Variants in BAZ1A observed in about 807,000 individuals in gnomAD.
The protein encoded by BAZ1A is bromodomain adjacent to zinc finger domain 1A.
In BAZ1A, 50 loss-of-function variants were observed where a neutral mutation model predicts 185.2. That is an observed-to-expected ratio of 0.27 (90% CI 0.22 to 0.34). BAZ1A has a LOEUF of 0.34. BAZ1A is among the 10% of genes least tolerant of loss of function. The pLI, the probability that BAZ1A is intolerant of heterozygous loss-of-function variation, is 1.00. For synonymous variants in BAZ1A, 571 were observed against 615.6 expected, an observed-to-expected ratio of 0.93 and a Z score of 1.07; for missense variants, 1,356 against 1,839.9, an observed-to-expected ratio of 0.74 and a Z score of 4.81.
At chr14:34,759,329 C>T (rs762407796) in intron 24 of BAZ1A, among the ~76,000 whole-genome samples, 20 of 151,370 alleles carry the variant, frequency 1.3e-4, no homozygotes, top group Non-Finnish European at 2.1e-4. Flanking sequence ...TATAGGCACC[C>T]GCCACGGCGC....
intron 11 of BAZ1A, among the ~76,000 whole-genome samples, chr14:34,793,577 G>C (rs896847798): frequency 6.6e-6 from 1 of 152,216 alleles, no homozygotes; most frequent in Non-Finnish European, 1.5e-5. Flanking sequence ...GCGAGGCCAA[G>C]GTGGGTGGAT....
chr14:34,827,461 C>T (rs1171121879), intron 3 of BAZ1A, among the ~76,000 whole-genome samples: 1 of 152,086 alleles, frequency 6.6e-6, no homozygotes, highest in African/African-American at 2.4e-5. Context: ...CATTGCCGGG[C>T]GCGGTGGCTC....
chr14:34,756,464 C>CTTTTTTTTTTTTTTTTT (rs1343693112), intron 25 of BAZ1A, among the ~76,000 whole-genome samples: 2 of 107,168 alleles, frequency 1.9e-5, no homozygotes, highest in Non-Finnish European at 1.8e-5. Context: ...GCCAGAATAC[C>CTTTTTTTTTTTTTTTTT]TATTTTTTTT....
intron 3 of BAZ1A, among the ~76,000 whole-genome samples, chr14:34,842,927 C>T (rs916123656): frequency 2.6e-5 from 4 of 151,796 alleles, no homozygotes; most frequent in Non-Finnish European, 5.9e-5. Context: ...AGCCCTAGGG[C>T]TCATTCACAT....
intron 11 of BAZ1A, among the ~76,000 whole-genome samples, chr14:34,793,823 A>G (rs1287747644): frequency 6.6e-6 from 1 of 152,126 alleles, no homozygotes; most frequent in African/African-American, 2.4e-5. Context: ...GGTGCCTGTA[A>G]TTGCAGCTAC....
chr14:34,824,408 CAAAAAAAA>C lies in BAZ1A; in HGVS notation c.536+1597_536+1604del. Among the ~76,000 whole-genome samples, 230 of 65,782 alleles carry C rather than the reference CAAAAAAAA, an allele frequency of 3.5e-3. 1 individual carries two copies. The highest frequency in any genetic ancestry group is 0.015 in the African/African-American group (225 of 15,272). The allele number at this position is 65,782 out of a possible 152,430, so 43.2% of individuals were successfully genotyped here. ...AAAAAAAAAAAAAAAAGCAGCAACT[CAAAAAAAA>C]AAAAAAAAAAAGAAGAGATGTATCA... On this transcript the variant is annotated intron_variant, in intron 4 of 26. Transcript: ENST00000360310.
chr14:34,797,216 C>T (rs1881243624), intron 9 of BAZ1A, among the ~76,000 whole-genome samples: 1 of 152,058 alleles, frequency 6.6e-6, no homozygotes, highest in African/African-American at 2.4e-5. Flanking sequence ...GGTGAGTGAT[C>T]TGTTTTTTTA....
intron 4 of BAZ1A, among the ~76,000 whole-genome samples, chr14:34,812,551 C>T (rs1160058029): frequency 1.3e-5 from 2 of 152,060 alleles, no homozygotes; most frequent in African/African-American, 4.8e-5. Flanking sequence ...AGAGTGTAAA[C>T]AGGAATACCA....
At position 34,803,086 on chromosome 14, in the gene BAZ1A, A is replaced by C. The variant is rs1459269262; in HGVS notation, c.727-98T>G. The C allele has an allele frequency of 2.3e-6, 3 of 1,297,440 alleles. No homozygotes were observed. The African/African-American group carries it at 4.4e-5, about 19-fold the overall frequency. 80.4% of individuals were successfully genotyped at this position (1,297,440 alleles called of 1,614,324 possible). ...CATATGGCCACTATTAATGCTGTTA[A>C]AAGATCAGGATAGGCTGGGCACAGT... On this transcript the variant is annotated intron_variant, in intron 6 of 26. Coordinates refer to ENST00000360310, the MANE Select transcript of BAZ1A (RefSeq NM_013448.3).
chr14:34,856,136 T>G (rs761349254), intron 3 of BAZ1A, among the ~76,000 whole-genome samples: 5 of 152,182 alleles, frequency 3.3e-5, no homozygotes, highest in African/African-American at 4.8e-5. Context: ...TGGCAAAGGT[T>G]AAAAGACTTA....
At chr14:34,767,706 C>T (rs902028761) in intron 21 of BAZ1A, among the ~76,000 whole-genome samples, 2 of 151,962 alleles carry the variant, frequency 1.3e-5, no homozygotes, top group African/African-American at 2.4e-5. Context: ...TGAGGAAGCA[C>T]GAATAGCTAG....
intron 3 of BAZ1A, among the ~76,000 whole-genome samples, chr14:34,844,775 GCGCACACACACACACACACACA>G (rs2042479400): frequency 7.4e-6 from 1 of 135,486 alleles, no homozygotes; most frequent in Admixed American, 7.4e-5. Flanking sequence ...ACACACACAC[GCGCACACACACACACACACACA>G]CACACACACA....
chr14:34,863,152 C>CATTTTTTTTT (rs1566603150), intron 2 of BAZ1A, among the ~76,000 whole-genome samples: 4 of 44,690 alleles, frequency 9.0e-5, no homozygotes, highest in Non-Finnish European at 1.4e-4. Flanking sequence ...CCACGCTCGG[C>CATTTTTTTTT]TTTTTTTTTT....
chr14:34,833,588 G>A (rs2042284725), intron 3 of BAZ1A, among the ~76,000 whole-genome samples: 1 of 152,090 alleles, frequency 6.6e-6, no homozygotes, highest in African/African-American at 2.4e-5. Context: ...AGTGAATTGA[G>A]CCACAAAAGG....
chr14:34,806,181 T>C (rs1014268857), intron 6 of BAZ1A, among the ~76,000 whole-genome samples: 2 of 152,042 alleles, frequency 1.3e-5, no homozygotes, highest in African/African-American at 2.4e-5. Context: ...AAACTCATTC[T>C]TTTTTTTAAA....
At chr14:34,776,547 C>G (rs938764846) in intron 17 of BAZ1A, 32 bp from the exon 18 acceptor site, 1 of 1,510,898 alleles carries the variant, frequency 6.6e-7, no homozygotes, top group Admixed American at 2.2e-5. Context: ...TCATCATCAT[C>G]ATATTTCAAG....
At chr14:34,811,715 T>C (rs2041932890) in intron 4 of BAZ1A, among the ~76,000 whole-genome samples, 1 of 152,200 alleles carries the variant, frequency 6.6e-6, no homozygotes, top group Admixed American at 6.5e-5. Context: ...CACTATTTTG[T>C]TTTAGGTAGG....
chr14:34,834,615 C>T (rs544014934), intron 3 of BAZ1A, among the ~76,000 whole-genome samples: 3 of 152,268 alleles, frequency 2.0e-5, no homozygotes, highest in South Asian at 2.1e-4. Flanking sequence ...GACTTTGTAG[C>T]ACAACCAAAC....
intron 2 of BAZ1A, 53 bp from the exon 3 acceptor site, chr14:34,862,375 ATTTT>A (rs1405180114): frequency 6.5e-7 from 1 of 1,538,030 alleles, no homozygotes; most frequent in African/African-American, 1.4e-5. Context: ...CATTTCACAA[ATTTT>A]ACATTAAAAA....
Sources: allele counts gnomAD v4.1 joint callset (sites outside exome capture counted in the v4.1 genomes callset), GRCh38; gene constraint gnomAD v4.1.1; transcripts MANE v1.5; gene names NCBI Gene and HGNC (gene_info 2026-07-23, HGNC 2026-07-21).